DGKI: variants seen among roughly 807,000 people sequenced by gnomAD.
The protein encoded by DGKI is DAG kinase iota.
A neutral mutation model predicts 147.5 loss-of-function variants in DGKI; 55 were observed. The observed-to-expected ratio is 0.37, with a 90% CI of 0.30 to 0.47. The LOEUF (loss-of-function observed/expected upper bound fraction) is 0.47, where lower values mean the gene tolerates loss of function less well. Among genes scored for constraint, DGKI ranks in the 20% least tolerant of loss-of-function variants. The pLI, the probability that DGKI is intolerant of heterozygous loss-of-function variation, is 1.00. For missense variants in DGKI, 1,007 were observed against 1,323.8 expected (o/e 0.76, Z 3.71); for synonymous variants, 469 against 477.1 (o/e 0.98, Z 0.22).
Position 137,794,441 on chromosome 7 carries a change from T to A in DGKI, c.401+52021A>T, listed in dbSNP as rs77825276. Among the ~76,000 whole-genome samples, 597 of 152,376 alleles carry A rather than the reference T, an allele frequency of 3.9e-3. 4 individuals are homozygous for A. Among genetic ancestry groups the A allele is most frequent in the African/African-American group, 0.014 (576 of 41,596 alleles). On this transcript the variant is annotated intron_variant, in intron 1 of 32. Transcript: ENST00000614521. Reference sequence around the variant, plus strand: ...CAAATGAACATTAAATAGATGAAGCTAGCAAATTGCAGGAATCCTCCCAGG... The same window carrying A: ...CAAATGAACATTAAATAGATGAAGCAAGCAAATTGCAGGAATCCTCCCAGG...
chr7:137,759,957 G>A (rs772929370), intron 1 of DGKI, among the ~76,000 whole-genome samples: 7 of 152,250 alleles, frequency 4.6e-5, no homozygotes, highest in East Asian at 1.9e-4. Context: ...TAGTTGTGGC[G>A]CCTTTGCTAC....
In DGKI at chr7:137,689,896, T is replaced by C. The variant is rs1823545674; in HGVS notation, c.508A>G (p.Ser170Gly). The C allele has an allele frequency of 6.3e-7, 1 of 1,575,524 alleles. No individual in the cohort carries two copies. Among genetic ancestry groups the C allele is most frequent in the Non-Finnish European group, 8.6e-7 (1 of 1,163,906 alleles). The change falls in exon 2 of 33, where the codon AGT (serine) becomes GGT (glycine). Residue 170 changes from serine (S) to glycine (G), a missense_variant and splice_region_variant. Coordinates refer to ENST00000614521, the MANE Select transcript of DGKI (RefSeq NM_001321708.2). Reference sequence around the variant, plus strand: ...TAAATGAAAAGGCCAACACCTACACTCCAGTCCAAAGTCGCTCTGGGCTCC... The same window carrying C: ...TAAATGAAAAGGCCAACACCTACACCCCAGTCCAAAGTCGCTCTGGGCTCC... ...AKEPRATLDW[S>G]ENAVNGEHLW...
intron 28 of DGKI, among the ~76,000 whole-genome samples, chr7:137,427,343 T>C (rs556293528): frequency 2.0e-5 from 3 of 152,206 alleles, no homozygotes; most frequent in Admixed American, 6.5e-5. Flanking sequence ...AGATGTTCTA[T>C]GAAAGCAACG....
chr7:137,571,660 G>A (rs1818797645), intron 18 of DGKI, among the ~76,000 whole-genome samples: 1 of 152,198 alleles, frequency 6.6e-6, no homozygotes, highest in Admixed American at 6.5e-5. Flanking sequence ...ACAGGGAAAT[G>A]AAGTGGGAAG....
At chr7:137,505,920 C>T (rs1816351211) in intron 21 of DGKI, among the ~76,000 whole-genome samples, 1 of 151,802 alleles carries the variant, frequency 6.6e-6, no homozygotes, top group South Asian at 2.1e-4. Flanking sequence ...CACTACACAC[C>T]TAATAGAATG....
At chr7:137,700,329 G>A (rs3778799) in intron 1 of DGKI, among the ~76,000 whole-genome samples, 78,123 of 152,010 alleles carry the variant, frequency 0.51, 22,588 homozygotes, top group African/African-American at 0.79. Context: ...AGAAACCAAG[G>A]GCGTGTGGTT....
At chr7:137,610,843 A>T (rs1820338981) in intron 8 of DGKI, among the ~76,000 whole-genome samples, 1 of 152,202 alleles carries the variant, frequency 6.6e-6, no homozygotes, top group East Asian at 1.9e-4. Context: ...TGGGAAAAAA[A>T]ATAAGTTGAT....
chr7:137,793,270 C>T (rs1796918086), intron 1 of DGKI, among the ~76,000 whole-genome samples: 1 of 151,956 alleles, frequency 6.6e-6, no homozygotes, highest in South Asian at 2.1e-4. Flanking sequence ...ATTCTCTTCC[C>T]CTTCCAATCC....
At chr7:137,572,369 T>C (rs1420687769) in intron 18 of DGKI, among the ~76,000 whole-genome samples, 1 of 152,196 alleles carries the variant, frequency 6.6e-6, no homozygotes, top group African/African-American at 2.4e-5. Flanking sequence ...TTTGAATGAA[T>C]TCCGCACTTG....
intron 19 of DGKI, among the ~76,000 whole-genome samples, chr7:137,559,103 G>T (rs1347233484): frequency 1.0e-5 from 1 of 99,472 alleles, no homozygotes; most frequent in Non-Finnish European, 1.8e-5. Flanking sequence ...ACGGAGTCTC[G>T]CTCTGTCGCC....
chr7:137,582,434 C>CTCTCTCTCTA (rs954743154), intron 14 of DGKI, among the ~76,000 whole-genome samples: 205 of 148,424 alleles, frequency 1.4e-3, no homozygotes, highest in African/African-American at 4.7e-3. Context: ...CTCTCTCTCT[C>CTCTCTCTCTA]TATATATATA....
rs543506185 is a variant in DGKI, at chr7:137,701,570, T to C, written c.402-11568A>G. Among the ~76,000 whole-genome samples the C allele has an allele frequency of 3.9e-5, 6 of 151,980 alleles. No individual in the cohort carries two copies. In the South Asian group the frequency reaches 1.2e-3, roughly 32 times the overall value. On this transcript the variant is annotated intron_variant, in intron 1 of 32. Transcript: ENST00000614521. ...ATATATGCAACCACAAATTAAAAAA[T>C]AAAAATTTAAAAATACTGTTAACAA...
chr7:137,479,491 A>G (rs558141391), intron 23 of DGKI, among the ~76,000 whole-genome samples: 4 of 152,276 alleles, frequency 2.6e-5, no homozygotes, highest in Middle Eastern at 6.8e-3. Context: ...GATCTGAACC[A>G]CTATTTGGCA....
intron 19 of DGKI, among the ~76,000 whole-genome samples, chr7:137,554,717 C>A (rs1585225724): frequency 6.6e-6 from 1 of 151,940 alleles, no homozygotes; most frequent in African/African-American, 2.4e-5. Flanking sequence ...GAAGCAAGAG[C>A]AAACCTTACT....
intron 1 of DGKI, among the ~76,000 whole-genome samples, chr7:137,797,449 G>T (rs547153606): frequency 6.6e-6 from 1 of 152,142 alleles, no homozygotes; most frequent in Admixed American, 6.5e-5. Flanking sequence ...AGATTTAAAT[G>T]GAAACAGCAT....
intron 2 of DGKI, among the ~76,000 whole-genome samples, chr7:137,679,729 T>C (rs1364944990): frequency 1.3e-5 from 2 of 152,100 alleles, no homozygotes; most frequent in Non-Finnish European, 2.9e-5. Flanking sequence ...GGCTCACACC[T>C]GTAATCCCAG....
intron 28 of DGKI, among the ~76,000 whole-genome samples, chr7:137,437,532 G>A (rs1813330150): frequency 1.3e-5 from 2 of 152,094 alleles, no homozygotes; most frequent in East Asian, 3.8e-4. Context: ...ATGTGGCTTG[G>A]AATAGAATGA....
intron 1 of DGKI, among the ~76,000 whole-genome samples, chr7:137,822,520 T>G (rs964776015): frequency 6.6e-6 from 1 of 152,042 alleles, no homozygotes; most frequent in Admixed American, 6.6e-5. Flanking sequence ...ATGCTAAAGT[T>G]TAGGGTTTTT....
intron 1 of DGKI, among the ~76,000 whole-genome samples, chr7:137,714,299 T>C (rs1257524614): frequency 1.3e-5 from 2 of 152,240 alleles, no homozygotes; most frequent in East Asian, 3.8e-4. Flanking sequence ...AAAAAATGTT[T>C]AAAAACATCT....
Sources: gnomAD v4.1 joint callset for allele counts (sites outside exome capture counted in the v4.1 genomes callset) on GRCh38, gnomAD v4.1.1 for gene constraint, MANE v1.5 for transcripts, NCBI Gene and HGNC (gene_info 2026-07-23, HGNC 2026-07-21) for gene names.